Variants in MED28 observed in about 807,000 individuals in gnomAD.
The protein encoded by MED28 is mediator of RNA polymerase II transcription subunit 28.
Under a neutral mutation model 21.3 loss-of-function variants are expected in MED28, and 26 were observed. The ratio of observed to expected loss-of-function variants is 1.22; its 90% CI spans 0.89 to 1.69. The LOEUF is 1.69. Among genes scored for constraint, MED28 ranks in the 40% most tolerant of loss-of-function variants. The pLI is 0.00. For missense variants in MED28, 257 were observed against 215.4 expected (o/e 1.19, Z -1.21); for synonymous variants, 110 against 87.6 (o/e 1.26, Z -1.43).
At position 17,632,589 on chromosome 4, in the gene MED28, G is replaced by GGT; in HGVS notation, c.*8791_*8792insGT. On this transcript the variant is annotated 3_prime_UTR_variant, in exon 4 of 4. Transcript: ENST00000237380. The stretch of plus-strand genomic sequence containing the variant: ...GGTGCGGAGAGCCCTGTTTCTGCTG[G>GGT]ACTTCTTTGGCTTGGGCCGTTTCAC... 6.4e-7 allele frequency: 1 copy of GGT among 1,551,330 alleles called. No individual in the cohort carries two copies. The highest frequency in any genetic ancestry group is 8.7e-7 in the Non-Finnish European group (1 of 1,146,788).
rs1472183260 is a variant in MED28 at position 17,631,736 on chromosome 4, C to T, written c.*7938C>T. 1 of 152,188 alleles carries T rather than the reference C, an allele frequency of 6.6e-6. No individual in the cohort carries two copies. Among genetic ancestry groups the T allele is most frequent in the East Asian group, 1.9e-4 (1 of 5,200 alleles). 9.4% of individuals were successfully genotyped at this position (152,188 alleles called of 1,614,324 possible). A position where few individuals can be genotyped will look rare whatever the true frequency, so the allele number is the denominator to read the frequency against. ...TATTCAGTCCAAGCATGCTACCATCCATTTCTGGTAGGTTTGGTTTGTTTT... is the reference window on the plus strand; with the variant it reads ...TATTCAGTCCAAGCATGCTACCATCTATTTCTGGTAGGTTTGGTTTGTTTT... On this transcript the variant is annotated 3_prime_UTR_variant, in exon 4 of 4. Coordinates refer to ENST00000237380, the MANE Select transcript of MED28 (RefSeq NM_025205.5).
At position 17,623,672 on chromosome 4, in the gene MED28, G is replaced by T. The variant is rs934429741; in HGVS notation, c.411G>T (p.Arg137Ser). The T allele has an allele frequency of 6.2e-7, 1 of 1,614,228 alleles. No individual in the cohort carries two copies. Among genetic ancestry groups the T allele is most frequent in the Non-Finnish European group, 8.5e-7 (1 of 1,180,036 alleles). ...TCCAGAAGCACTTGACAAAGCTGAG[G>T]CATTGGCAGCAGGTGCTGGAGGACA... ...ALVQKHLTKL[R>S]HWQQVLEDIN... The change falls in exon 4 of 4, where the codon AGG (arginine) becomes AGT (serine). Residue 137 changes from arginine (R) to serine (S), a missense_variant. Transcript: ENST00000237380.
At position 17,614,760 on chromosome 4, in the gene MED28, G is replaced by T. The variant is rs1010482728; in HGVS notation, c.106G>T (p.Ala36Ser). 11 of 1,614,100 alleles carry T rather than the reference G, an allele frequency of 6.8e-6. No individual in the cohort carries two copies. In the East Asian group the frequency reaches 2.2e-4, roughly 33 times the overall value. The change falls in exon 1 of 4, where the codon GCT (alanine) becomes TCT (serine). Residue 36 changes from alanine (A) to serine (S), a missense_variant. Transcript: ENST00000237380. ...TTCGCTTCTTCAGGCAGCTCCAGGC[G>T]CTCCTAGACCTTCCAGCAGTACTTT... ...QASLLQAAPG[A>S]PRPSSSTLVD... is the part of the protein sequence containing the mutation.
intron 2 of MED28, among the ~76,000 whole-genome samples, chr4:17,620,873 GT>G (rs912340393): frequency 6.6e-6 from 1 of 151,246 alleles, no homozygotes; most frequent in Non-Finnish European, 1.5e-5. Context: ...GCTAATTTTT[GT>G]TTTTTTATTT....
At chr4:17,618,029 T>TG (rs1491397809) in intron 1 of MED28, among the ~76,000 whole-genome samples, 2 of 147,590 alleles carry the variant, frequency 1.4e-5, no homozygotes, top group Non-Finnish European at 3.0e-5. Context: ...TTTTTTTTTT[T>TG]GAGACAGAGT....
At chr4:17,615,997 C>T (rs780855181) in intron 1 of MED28, among the ~76,000 whole-genome samples, 1 of 151,804 alleles carries the variant, frequency 6.6e-6, no homozygotes, top group Non-Finnish European at 1.5e-5. Context: ...GTCTCACTCT[C>T]TCGCCCAGGC....
In MED28 at chr4:17,634,015, C is replaced by T; in HGVS notation, c.*10217C>T. The stretch of plus-strand genomic sequence containing the variant: ...AGAAGAAGCAACAATTTCATTTATA[C>T]ACTTACATGCTATTTTTTAAAGCAC... On this transcript the variant is annotated 3_prime_UTR_variant, in exon 4 of 4. Coordinates refer to ENST00000237380, the MANE Select transcript of MED28 (RefSeq NM_025205.5). 1 of 627,968 alleles carries T rather than the reference C, an allele frequency of 1.6e-6. No homozygotes were observed. The highest frequency in any genetic ancestry group is 2.4e-6 in the Non-Finnish European group (1 of 415,882). The allele number at this position is 627,968 out of a possible 1,614,324, so 38.9% of individuals were successfully genotyped here.
intron 3 of MED28, 127 bp downstream of exon 3, chr4:17,621,826 A>T (rs980018832): frequency 1.8e-5 from 12 of 677,158 alleles, no homozygotes; most frequent in Non-Finnish European, 2.8e-5. Flanking sequence ...TCAGTGTGAA[A>T]TGTGGCTAGT....
At chr4:17,616,887 T>G (rs1188815481) in intron 1 of MED28, among the ~76,000 whole-genome samples, 2 of 152,198 alleles carry the variant, frequency 1.3e-5, no homozygotes, top group African/African-American at 4.8e-5. Flanking sequence ...CTTGCCTGAT[T>G]CACATATATG....
intron 1 of MED28, among the ~76,000 whole-genome samples, chr4:17,617,789 C>A (rs1478044471): frequency 2.0e-5 from 3 of 152,010 alleles, no homozygotes; most frequent in Non-Finnish European, 4.4e-5. Flanking sequence ...ACGCCTTAAT[C>A]CCAGCTACTT....
At position 17,631,929 on chromosome 4, in the gene MED28, G is replaced by A. The variant is rs546453191; in HGVS notation, c.*8131G>A. 1 of 152,034 alleles carries A rather than the reference G, an allele frequency of 6.6e-6. No homozygotes were observed. Among genetic ancestry groups the A allele is most frequent in the Non-Finnish European group, 1.5e-5 (1 of 68,014 alleles). 9.4% of individuals were successfully genotyped at this position (152,034 alleles called of 1,614,324 possible). ...GATCATGGAAATCACAAAGTCTGAT[G>A]TTCCACAAAATGGAGTATGATGTTA... On this transcript the variant is annotated 3_prime_UTR_variant, in exon 4 of 4. Coordinates refer to ENST00000237380, the MANE Select transcript of MED28 (RefSeq NM_025205.5).
chr4:17,615,734 T>G (rs919306711), intron 1 of MED28, among the ~76,000 whole-genome samples: 1 of 152,066 alleles, frequency 6.6e-6, no homozygotes, highest in Non-Finnish European at 1.5e-5. Flanking sequence ...CGCTTGAACC[T>G]GGGATGCGGA....
At chr4:17,621,366 T>TC (rs1714624699) in intron 2 of MED28, among the ~76,000 whole-genome samples, 1 of 151,728 alleles carries the variant, frequency 6.6e-6, no homozygotes, top group Non-Finnish European at 1.5e-5. Flanking sequence ...AATATCTCTC[T>TC]CTTTTTTTTT....
chr4:17,621,628 C>CA lies in MED28; in HGVS notation c.269dup (p.Thr91AspfsTer31). ...CCAGAAGTTTCTGGATATTGCAAGACAGACAGAATGTTTTTTCTTACAAAA... is the reference window on the plus strand; with the variant it reads ...CCAGAAGTTTCTGGATATTGCAAGACAAGACAGAATGTTTTTTCTTACAAAA... On this transcript the variant is annotated frameshift_variant, in exon 3 of 4. Transcript: ENST00000237380. LOFTEE classifies it high-confidence loss of function. 7 of 1,609,936 alleles carry CA rather than the reference C, an allele frequency of 4.3e-6. No homozygotes were observed. Among genetic ancestry groups the CA allele is most frequent in the Non-Finnish European group, 5.1e-6 (6 of 1,179,054 alleles).
At chr4:17,615,219 A>C (rs1935220916) in intron 1 of MED28, among the ~76,000 whole-genome samples, 1 of 152,114 alleles carries the variant, frequency 6.6e-6, no homozygotes, top group African/African-American at 2.4e-5. Flanking sequence ...AACGATCCTA[A>C]AGGGACTCTT....
intron 2 of MED28, among the ~76,000 whole-genome samples, chr4:17,621,052 G>A (rs747822538): frequency 4.7e-5 from 6 of 127,392 alleles, no homozygotes; most frequent in Non-Finnish European, 7.9e-5. Flanking sequence ...GTCTCACTCT[G>A]TCACCAGTCT....
At position 17,628,288 on chromosome 4, in the gene MED28, G is replaced by GTGTGTA. The variant is rs1213204408; in HGVS notation, c.*4493_*4494insGTATGT. The GTGTGTA allele has an allele frequency of 2.0e-5, 3 of 150,148 alleles. No individual in the cohort carries two copies. The highest frequency in any genetic ancestry group is 1.3e-4 in the Admixed American group (2 of 15,128). The allele number at this position is 150,148 out of a possible 1,614,324, so 9.3% of individuals were successfully genotyped here. A position where few individuals can be genotyped will look rare whatever the true frequency, so the allele number is the denominator to read the frequency against. ...TGTGTGTGTGTGTGTGTGTGTGTGT[G>GTGTGTA]TGTATGTGTATATGCGTATATATGT... On this transcript the variant is annotated 3_prime_UTR_variant, in exon 4 of 4. Coordinates refer to ENST00000237380, the MANE Select transcript of MED28 (RefSeq NM_025205.5).
chr4:17,617,174 C>T (rs569259566), intron 1 of MED28, among the ~76,000 whole-genome samples: 1 of 152,350 alleles, frequency 6.6e-6, no homozygotes, highest in South Asian at 2.1e-4. Context: ...TGGATCCTCT[C>T]TGCTGCTGGG....
chr4:17,622,633 A>G (rs1195007244), intron 3 of MED28, among the ~76,000 whole-genome samples: 3 of 152,228 alleles, frequency 2.0e-5, no homozygotes, highest in African/African-American at 7.2e-5. Context: ...GGTTCTCAGC[A>G]GTAGCCTTTG....
Sources: gnomAD v4.1 joint callset for allele counts (sites outside exome capture counted in the v4.1 genomes callset) on GRCh38, gnomAD v4.1.1 for gene constraint, MANE v1.5 for transcripts, NCBI Gene and HGNC (gene_info 2026-07-23, HGNC 2026-07-21) for gene names.